PDZRN3: variants seen among roughly 807,000 people sequenced by gnomAD.
PDZRN3 encodes PDZ domain containing ring finger 3, also known as E3 ubiquitin-protein ligase PDZRN3.
PDZRN3 carries 38 observed loss-of-function variants against 85.7 expected under a neutral mutation model. The observed-to-expected ratio is 0.44, with a 90% CI of 0.34 to 0.58. The LOEUF is 0.58. Among genes scored for constraint, PDZRN3 ranks in the 20% least tolerant of loss-of-function variants. The pLI is 0.01. For synonymous variants in PDZRN3, 759 were observed against 638.0 expected, an observed-to-expected ratio of 1.19 and a Z score of -2.86; for missense variants, 1,629 against 1,506.4, an observed-to-expected ratio of 1.08 and a Z score of -1.35.
At chr3:73,576,828 C>A (rs750251128) in intron 3 of PDZRN3, among the ~76,000 whole-genome samples, 6 of 151,978 alleles carry the variant, frequency 3.9e-5, no homozygotes, top group Non-Finnish European at 8.8e-5. Flanking sequence ...ACAAAGAAGT[C>A]AAAGTCTTAG....
At chr3:73,534,434 G>C (rs549930142) in intron 3 of PDZRN3, among the ~76,000 whole-genome samples, 1 of 152,210 alleles carries the variant, frequency 6.6e-6, no homozygotes, top group Admixed American at 6.5e-5. Flanking sequence ...CTTTGGAAAT[G>C]AATTTTACAG....
intron 3 of PDZRN3, among the ~76,000 whole-genome samples, chr3:73,562,154 A>G (rs956845234): frequency 2.4e-4 from 36 of 152,176 alleles, no homozygotes; most frequent in African/African-American, 8.4e-4. Context: ...GTATGAACTG[A>G]TATCTCAGTA....
At chr3:73,517,028 A>G (rs1263035132) in intron 3 of PDZRN3, among the ~76,000 whole-genome samples, 2 of 152,316 alleles carry the variant, frequency 1.3e-5, no homozygotes, top group East Asian at 1.9e-4. Flanking sequence ...TTCCATCACG[A>G]AAGGGAGAAT....
At chr3:73,569,309 A>T in intron 3 of PDZRN3, 1 of 1,236,546 alleles carries the variant, frequency 8.1e-7, no homozygotes, top group Non-Finnish European at 1.0e-6. Flanking sequence ...TTCTCTCAAA[A>T]CAGCCTCAGG....
intron 3 of PDZRN3, among the ~76,000 whole-genome samples, chr3:73,436,019 T>C (rs3856581): frequency 0.21 from 32,000 of 152,104 alleles, 7,015 homozygotes; most frequent in African/African-American, 0.56. Context: ...TCTGCAGGTC[T>C]CTCTGCTGGA....
chr3:73,454,170 GA>G (rs1037792110), intron 3 of PDZRN3, among the ~76,000 whole-genome samples: 2 of 152,130 alleles, frequency 1.3e-5, no homozygotes, highest in Non-Finnish European at 2.9e-5. Flanking sequence ...GGAGGCCTGG[GA>G]TTCCTACCCC....
At chr3:73,557,275 A>G (rs1160887600) in intron 3 of PDZRN3, among the ~76,000 whole-genome samples, 1 of 152,238 alleles carries the variant, frequency 6.6e-6, no homozygotes, top group African/African-American at 2.4e-5. Context: ...TGCTTTAAAA[A>G]AGAAAAAACA....
At chr3:73,558,243 G>T (rs1701743051) in intron 3 of PDZRN3, among the ~76,000 whole-genome samples, 1 of 149,426 alleles carries the variant, frequency 6.7e-6, no homozygotes, top group South Asian at 2.1e-4. Context: ...AAATCCAGGA[G>T]CATATCTGGA....
At chr3:73,470,059 C>T (rs1328556516) in intron 3 of PDZRN3, among the ~76,000 whole-genome samples, 1 of 152,114 alleles carries the variant, frequency 6.6e-6, no homozygotes, top group Non-Finnish European at 1.5e-5. Context: ...ATTAAATGTT[C>T]CTTGGGGGCA....
rs150032524 is a variant in PDZRN3, at chr3:73,466,725, A to C, written c.919-62330T>G. On this transcript the variant is annotated intron_variant, in intron 3 of 9. Coordinates refer to ENST00000263666, the MANE Select transcript of PDZRN3 (RefSeq NM_015009.3). ...TCAAATTGTTTTGATGTGGATCCAA[A>C]AAGGGCTTCTTTATTATAATATAAA... 6.1e-3 allele frequency among the ~76,000 whole-genome samples: 936 copies of C among 152,346 alleles called. 13 individuals carry two copies. Among genetic ancestry groups the C allele is most frequent in the African/African-American group, 0.021 (889 of 41,580 alleles).
At chr3:73,479,350 T>G (rs190739586) in intron 3 of PDZRN3, among the ~76,000 whole-genome samples, 1 of 151,884 alleles carries the variant, frequency 6.6e-6, no homozygotes, top group East Asian at 1.9e-4. Context: ...CTCTCTGGCA[T>G]GGACAGGCTC....
chr3:73,526,819 C>T (rs2106743588), intron 3 of PDZRN3, among the ~76,000 whole-genome samples: 1 of 152,208 alleles, frequency 6.6e-6, no homozygotes, highest in East Asian at 1.9e-4. Flanking sequence ...TCCCAAGTAG[C>T]TGGGACTATA....
chr3:73,597,540 G>A (rs1702447929), intron 3 of PDZRN3, among the ~76,000 whole-genome samples: 2 of 152,072 alleles, frequency 1.3e-5, no homozygotes, highest in South Asian at 2.1e-4. Flanking sequence ...GCAGAACAGC[G>A]TTTAACCCAC....
chr3:73,474,574 G>A (rs1038207497), intron 3 of PDZRN3: 4 of 1,282,934 alleles, frequency 3.1e-6, no homozygotes, highest in Non-Finnish European at 3.0e-6. Context: ...GCAGCCTGCA[G>A]GTCCGCAGTT....
chr3:73,418,628 A>G (rs1225748761), intron 3 of PDZRN3, among the ~76,000 whole-genome samples: 1 of 152,124 alleles, frequency 6.6e-6, no homozygotes, highest in Non-Finnish European at 1.5e-5. Flanking sequence ...CTCCAGCCCC[A>G]ATAATCCTAT....
At chr3:73,587,659 A>G (rs962648296) in intron 3 of PDZRN3, among the ~76,000 whole-genome samples, 13 of 152,224 alleles carry the variant, frequency 8.5e-5, no homozygotes, top group African/African-American at 2.9e-4. Flanking sequence ...TCTAATCTCC[A>G]AGGACTCTTT....
chr3:73,602,765 T>C (rs937446988), intron 2 of PDZRN3, among the ~76,000 whole-genome samples: 2 of 152,228 alleles, frequency 1.3e-5, no homozygotes, highest in African/African-American at 2.4e-5. Flanking sequence ...ACACATCATA[T>C]TCCTAAATAT....
rs780701049 is a variant in PDZRN3, at chr3:73,404,170, C to A, written c.1144G>T (p.Asp382Tyr). 1.2e-6 allele frequency: 2 copies of A among 1,613,896 alleles called. No individual in the cohort carries two copies. The highest frequency in any genetic ancestry group is 1.7e-5 in the Admixed American group (1 of 60,012). The change falls in exon 4 of 10, where the codon GAT becomes TAT. Residue 382 changes from aspartate (D) to tyrosine (Y), a missense_variant. By Grantham distance (160) the Asp-to-Tyr change is radical. Transcript: ENST00000263666. ...KMSSPSPPVLDPYLLPEEHPS... is the reference protein window; with the variant it reads ...KMSSPSPPVLYPYLLPEEHPS... ...TACTCCTCTGGCAAGAGATAGGGAT[C>A]CAGCACGGGTGGGCTGGGAGAGGAC...
At chr3:73,565,718 A>G (rs1418168493) in intron 3 of PDZRN3, among the ~76,000 whole-genome samples, 1 of 151,624 alleles carries the variant, frequency 6.6e-6, no homozygotes, top group East Asian at 2.0e-4. Context: ...CGGGTGGATC[A>G]CCTGAGGTCA....
Sources: allele counts gnomAD v4.1 joint callset (sites outside exome capture counted in the v4.1 genomes callset), GRCh38; gene constraint gnomAD v4.1.1; transcripts MANE v1.5; gene names NCBI Gene and HGNC (gene_info 2026-07-23, HGNC 2026-07-21).